Variants in MTOR observed in about 807,000 individuals in gnomAD.
The protein encoded by MTOR is mechanistic target of rapamycin kinase, also known as serine/threonine-protein kinase mTOR.
In MTOR, 70 loss-of-function variants were observed where a neutral mutation model predicts 319.8. That is an observed-to-expected ratio of 0.22 (90% CI 0.18 to 0.27). The LOEUF (loss-of-function observed/expected upper bound fraction) is 0.27. Ranked by LOEUF, MTOR falls within the 10% of genes least tolerant of loss-of-function variation. MTOR has a pLI of 1.00. For missense variants in MTOR, 1,890 were observed against 3,274.4 expected, an observed-to-expected ratio of 0.58 and a Z score of 10.32; for synonymous variants, 1,183 against 1,211.4, an observed-to-expected ratio of 0.98 and a Z score of 0.49.
intron 19 of MTOR, among the ~76,000 whole-genome samples, chr1:11,227,883 TACTC>T (rs1038864439): frequency 6.6e-6 from 1 of 152,016 alleles, no homozygotes; most frequent in Non-Finnish European, 1.5e-5. Flanking sequence ...CCCCACAGAT[TACTC>T]ACTAATGGCA....
Position 11,257,136 on chromosome 1 carries a change from C to T in MTOR, c.301G>A (p.Ala101Thr), listed in dbSNP as rs774147239. 6.2e-7 allele frequency: 1 copy of T among 1,613,610 alleles called. No individual in the cohort carries two copies. Among genetic ancestry groups the T allele is most frequent in the African/African-American group, 1.3e-5 (1 of 75,036 alleles). ...ASLIGVEGGN[A>T]TRIGRFANYL... Reference sequence around the variant, plus strand: ...TTGGCAAATCTGCCAATTCGGGTGGCATTCCCACCTTCCACTCCTATGAGG... The same window carrying T: ...TTGGCAAATCTGCCAATTCGGGTGGTATTCCCACCTTCCACTCCTATGAGG... Residue 101 changes from alanine to threonine, a missense_variant, in exon 4 of 58, where the codon GCC becomes ACC. Ala to Thr is a moderately conservative substitution (Grantham distance 58). Transcript: ENST00000361445.
chr1:11,136,753 A>G (rs981336079), intron 36 of MTOR, among the ~76,000 whole-genome samples: 2 of 149,844 alleles, frequency 1.3e-5, no homozygotes, highest in Non-Finnish European at 3.0e-5. Flanking sequence ...TCCTCCCACC[A>G]CGGCCTCCCA....
rs140128457 is a variant in MTOR at position 11,232,251 on chromosome 1, G to A, written c.2514+185C>T. ...ATTACTGAAACTGACTCTGGGTCAG[G>A]ACAACAGGTAATTCTGGTTTCAAAT... On this transcript the variant is annotated intron_variant, in intron 16 of 57. Coordinates refer to ENST00000361445, the MANE Select transcript of MTOR (RefSeq NM_004958.4). Among the ~76,000 whole-genome samples, 641 of 152,310 alleles carry A rather than the reference G, an allele frequency of 4.2e-3. 6 individuals are homozygous for A. The highest frequency in any genetic ancestry group is 0.015 in the African/African-American group (604 of 41,564).
At chr1:11,132,446 A>G (rs1643208060) in intron 38 of MTOR, 1 of 152,272 alleles carries the variant, frequency 6.6e-6, no homozygotes, top group Non-Finnish European at 1.5e-5. Flanking sequence ...AAGTATTGGC[A>G]AGCCAAGGAA....
chr1:11,139,400 T>C lies in MTOR; in HGVS notation c.5034A>G (p.Gly1678=). 1 of 1,614,002 alleles carries C rather than the reference T, an allele frequency of 6.2e-7. No homozygotes were observed. Among genetic ancestry groups the C allele is most frequent in the Non-Finnish European group, 8.5e-7 (1 of 1,179,980 alleles). The stretch of plus-strand genomic sequence containing the variant: ...GGTCAAGTTGCCGAGACGGATCAAC[T>C]CCCAGGAGCAACACTAAAGTTTTAT... The part of the protein sequence containing the change: ...LAHKTLVLLL[G]VDPSRQLDHP... The change falls in exon 36 of 58, where the codon GGA becomes GGG. Residue 1678 remains glycine (G), a synonymous_variant. Coordinates refer to ENST00000361445, the MANE Select transcript of MTOR (RefSeq NM_004958.4).
intron 46 of MTOR, 80 bp downstream of exon 46, chr1:11,126,542 C>T (rs1642848833): frequency 6.8e-7 from 1 of 1,460,288 alleles, no homozygotes; most frequent in African/African-American, 1.4e-5. Context: ...GAATGGCAAG[C>T]AGTAATTTCA....
chr1:11,248,779 T>C (rs895327041), intron 6 of MTOR, among the ~76,000 whole-genome samples: 1 of 151,774 alleles, frequency 6.6e-6, no homozygotes, highest in Admixed American at 6.6e-5. Context: ...ACCACTGCAC[T>C]CTAGCCTGGG....
chr1:11,164,278 T>G (rs1644568163), intron 29 of MTOR, among the ~76,000 whole-genome samples: 1 of 136,258 alleles, frequency 7.3e-6, no homozygotes, highest in South Asian at 2.3e-4. Context: ...GAGCTTGTAG[T>G]GAGCCGAGAT....
At chr1:11,211,302 C>T (rs890502406) in intron 23 of MTOR, among the ~76,000 whole-genome samples, 1 of 152,202 alleles carries the variant, frequency 6.6e-6, no homozygotes, top group Non-Finnish European at 1.5e-5. Context: ...TTTTAGTGGG[C>T]GTCAGAATCA....
chr1:11,243,607 G>C (rs1648389888), intron 8 of MTOR, among the ~76,000 whole-genome samples: 2 of 151,268 alleles, frequency 1.3e-5, no homozygotes, highest in South Asian at 2.1e-4. Context: ...AGGATCACTT[G>C]AGCCCAGATG....
At chr1:11,158,537 T>C (rs1438148254) in intron 29 of MTOR, among the ~76,000 whole-genome samples, 3 of 152,134 alleles carry the variant, frequency 2.0e-5, no homozygotes, top group Non-Finnish European at 4.4e-5. Context: ...GTGGAGTTTG[T>C]CAAAATGAGC....
chr1:11,126,513 T>A (rs1418121954), intron 46 of MTOR, 109 bp downstream of exon 46: 26 of 1,238,244 alleles, frequency 2.1e-5, no homozygotes, highest in Non-Finnish European at 2.5e-5. Context: ...GAGATGTAGC[T>A]ATGATAGGTG....
chr1:11,175,210 C>T lies in MTOR; in HGVS notation c.4254-7693G>A, dbSNP rs114032051. ...GTAGAACAAACAGAAACTGCCTATC[C>T]GCATAATAGAATCCAGAGCCCACAA... On this transcript the variant is annotated intron_variant, in intron 28 of 57. Coordinates refer to ENST00000361445, the MANE Select transcript of MTOR (RefSeq NM_004958.4). Among the ~76,000 whole-genome samples the T allele has an allele frequency of 3.2e-3, 492 of 152,230 alleles. 3 individuals are homozygous for T. Among genetic ancestry groups the T allele is most frequent in the Non-Finnish European group, 5.4e-3 (367 of 68,012 alleles).
intron 28 of MTOR, 105 bp from the exon 29 acceptor site, chr1:11,167,622 T>C: frequency 1.2e-6 from 1 of 809,694 alleles, no homozygotes; most frequent in Non-Finnish European, 2.1e-6. Flanking sequence ...GAGGACAATG[T>C]CTTGCAGATG....
intron 28 of MTOR, among the ~76,000 whole-genome samples, chr1:11,172,761 C>T (rs145309314): frequency 0.011 from 1,632 of 149,728 alleles, 68 homozygotes; most frequent in South Asian, 0.066. Flanking sequence ...TGCAGCTACT[C>T]GGGAGGCTGA....
At chr1:11,144,882 A>G in intron 33 of MTOR, 86 bp downstream of exon 33, 1 of 1,519,792 alleles carries the variant, frequency 6.6e-7, no homozygotes, top group Non-Finnish European at 9.1e-7. Context: ...TGTTTCCAGC[A>G]GCCTGTAAGT....
At chr1:11,119,069 G>C (rs1216979688) in intron 49 of MTOR, among the ~76,000 whole-genome samples, 5 of 152,084 alleles carry the variant, frequency 3.3e-5, no homozygotes, top group Non-Finnish European at 7.4e-5. Context: ...AAAAAACCCT[G>C]TAACTAGTAT....
At chr1:11,201,609 T>C (rs1428891868) in intron 26 of MTOR, among the ~76,000 whole-genome samples, 2 of 151,988 alleles carry the variant, frequency 1.3e-5, no homozygotes, top group Non-Finnish European at 2.9e-5. Flanking sequence ...TAATATCCAA[T>C]GCAGAAAAAT....
Position 11,109,841 on chromosome 1 carries a change from C to G in MTOR, c.7367-112G>C. The G allele has an allele frequency of 1.1e-6, 1 of 875,550 alleles. No individual in the cohort carries two copies. Among genetic ancestry groups the G allele is most frequent in the Non-Finnish European group, 1.9e-6 (1 of 536,728 alleles). The allele number at this position is 875,550 out of a possible 1,614,324, so 54.2% of individuals were successfully genotyped here. A position where few individuals can be genotyped will look rare whatever the true frequency, so the allele number is the denominator to read the frequency against. On this transcript the variant is annotated intron_variant, in intron 54 of 57. Coordinates refer to ENST00000361445, the MANE Select transcript of MTOR (RefSeq NM_004958.4). This position sits in a 1 kb window ranked among gnomAD's most constrained non-coding sequence, Gnocchi z 4.0. ...TCCTTTAACGCCTGCCCTACCTACC[C>G]TAAAGGGGAAAAGAGAAGGAAAGTT... is the stretch of plus-strand genomic sequence containing the variant.
Sources: allele counts gnomAD v4.1 joint callset (sites outside exome capture counted in the v4.1 genomes callset), GRCh38; gene constraint gnomAD v4.1.1; non-coding constraint Gnocchi (gnomAD v3.1); transcripts MANE v1.5; gene names NCBI Gene and HGNC (gene_info 2026-07-23, HGNC 2026-07-21).